PIGK: variants seen among roughly 807,000 people sequenced by gnomAD.
PIGK encodes GPI-anchor transamidase.
A neutral mutation model predicts 50.6 loss-of-function variants in PIGK; 42 were observed. The ratio of observed to expected loss-of-function variants is 0.83; its 90% confidence interval spans 0.65 to 1.07. The LOEUF is 1.07. Among genes scored for constraint, PIGK ranks in the 50% least tolerant of loss-of-function variants. The pLI is 0.00. For missense variants in PIGK, 448 were observed against 488.7 expected (o/e 0.92, Z 0.78); for synonymous variants, 151 against 156.0 (o/e 0.97, Z 0.24).
At chr1:77,208,875 G>C (rs1360935479) in intron 2 of PIGK, among the ~76,000 whole-genome samples, 2 of 152,084 alleles carry the variant, frequency 1.3e-5, no homozygotes, top group African/African-American at 4.8e-5. Context: ...TATCAAATGT[G>C]TTTGTCAAAT....
At chr1:77,183,146 C>T (rs750045826) in intron 3 of PIGK, among the ~76,000 whole-genome samples, 14 of 152,092 alleles carry the variant, frequency 9.2e-5, no homozygotes, top group South Asian at 2.1e-4. Flanking sequence ...CCTCACTAGG[C>T]GTCTATTGTT....
intron 9 of PIGK, among the ~76,000 whole-genome samples, chr1:77,152,968 A>C (rs1365212728): frequency 6.6e-6 from 1 of 152,154 alleles, no homozygotes. Context: ...TTGCTCAAAA[A>C]ATTAAAAATA....
chr1:77,190,516 T>G (rs1050713431), intron 3 of PIGK, among the ~76,000 whole-genome samples: 7 of 152,204 alleles, frequency 4.6e-5, no homozygotes, highest in Admixed American at 3.3e-4. Flanking sequence ...GTTTAATATT[T>G]ATGGCACATA....
At chr1:77,128,167 T>A (rs568516324) in intron 9 of PIGK, among the ~76,000 whole-genome samples, 28 of 152,304 alleles carry the variant, frequency 1.8e-4, no homozygotes, top group Non-Finnish European at 3.8e-4. Context: ...ACTCCCTGCA[T>A]CACTATTTTT....
intron 9 of PIGK, among the ~76,000 whole-genome samples, chr1:77,123,711 G>A (rs956569034): frequency 6.6e-6 from 1 of 152,010 alleles, no homozygotes; most frequent in Non-Finnish European, 1.5e-5. Flanking sequence ...AGATGGATGG[G>A]GGGATGATAG....
intron 6 of PIGK, 67 bp downstream of exon 6, chr1:77,163,779 A>C: frequency 1.2e-6 from 1 of 826,024 alleles, no homozygotes; most frequent in Non-Finnish European, 1.9e-6. Context: ...TAAAAATTAC[A>C]AATCTACGAA....
At chr1:77,139,635 T>A (rs1401120870) in intron 9 of PIGK, among the ~76,000 whole-genome samples, 1 of 152,190 alleles carries the variant, frequency 6.6e-6, no homozygotes, top group Non-Finnish European at 1.5e-5. Flanking sequence ...TCCTTACCAC[T>A]GAATGAGGGG....
intron 9 of PIGK, among the ~76,000 whole-genome samples, chr1:77,139,404 C>T (rs963034781): frequency 6.6e-6 from 1 of 151,958 alleles, no homozygotes; most frequent in Admixed American, 6.6e-5. Context: ...CAGCTGGAAA[C>T]ACCATGGGTT....
At chr1:77,214,069 C>A (rs1410375837) in intron 1 of PIGK, among the ~76,000 whole-genome samples, 1 of 152,132 alleles carries the variant, frequency 6.6e-6, no homozygotes, top group African/African-American at 2.4e-5. Context: ...AAGCCCAGAA[C>A]GGGATGGCTT....
chr1:77,094,986 A>C (rs1366943855), intron 10 of PIGK, among the ~76,000 whole-genome samples: 1 of 152,184 alleles, frequency 6.6e-6, no homozygotes, highest in African/African-American at 2.4e-5. Context: ...TGGAACAGTA[A>C]ACTTATTCAC....
At chr1:77,204,976 GT>G (rs942782015) in intron 3 of PIGK, among the ~76,000 whole-genome samples, 39 of 152,024 alleles carry the variant, frequency 2.6e-4, no homozygotes, top group African/African-American at 9.4e-4. Context: ...CATAAACACA[GT>G]TATAGATAAG....
chr1:77,206,688 T>C lies in PIGK; in HGVS notation c.191A>G (p.Asn64Ser), dbSNP rs1487724680. The change falls in exon 3 of 11, where the codon AAT (asparagine) becomes AGT (serine). Residue 64 changes from asparagine to serine, a missense_variant. Physicochemically the swap from Asn to Ser is conservative, Grantham distance 46. Coordinates refer to ENST00000370812, the MANE Select transcript of PIGK (RefSeq NM_005482.3). ...RFWFNYRHVA[N>S]TLSVYRSVKR... ...GACACTTCTATAAACAGAAAGGGTA[T>C]TTGCAACATGTCGATAATTAAACCA... 1 of 1,612,452 alleles carries C rather than the reference T, an allele frequency of 6.2e-7. No individual in the cohort carries two copies. The highest frequency in any genetic ancestry group is 8.5e-7 in the Non-Finnish European group (1 of 1,178,792).
At position 77,104,782 on chromosome 1, in the gene PIGK, G is replaced by A. The variant is rs11162273; in HGVS notation, c.1072-12292C>T. Among the ~76,000 whole-genome samples the A allele has an allele frequency of 2.5e-3, 380 of 152,308 alleles. 2 individuals carry two copies. Among genetic ancestry groups the A allele is most frequent in the African/African-American group, 7.8e-3 (323 of 41,580 alleles). ...AAGCGAGTGTGGGATCTGACTGGCC[G>A]TTCCAGGCACTGGCAGGAGAAAGCT... On this transcript the variant is annotated intron_variant, in intron 10 of 10. Coordinates refer to ENST00000370812, the MANE Select transcript of PIGK (RefSeq NM_005482.3).
At chr1:77,130,463 T>C (rs1215279618) in intron 9 of PIGK, among the ~76,000 whole-genome samples, 3 of 152,090 alleles carry the variant, frequency 2.0e-5, no homozygotes, top group Non-Finnish European at 4.4e-5. Context: ...AACGTAGAAT[T>C]TTTTGACTTA....
chr1:77,174,497 C>T (rs1187719652), intron 3 of PIGK, among the ~76,000 whole-genome samples: 3 of 152,096 alleles, frequency 2.0e-5, no homozygotes, highest in African/African-American at 7.2e-5. Flanking sequence ...TGGGGAGTAT[C>T]GGAAATGACT....
chr1:77,157,593 AT>A (rs1248039379), intron 8 of PIGK, among the ~76,000 whole-genome samples: 1 of 152,180 alleles, frequency 6.6e-6, no homozygotes, highest in Non-Finnish European at 1.5e-5. Flanking sequence ...GGTGACTATA[AT>A]TTTTTTACAG....
intron 9 of PIGK, among the ~76,000 whole-genome samples, chr1:77,134,594 T>C (rs1189533515): frequency 2.0e-5 from 3 of 152,208 alleles, no homozygotes; most frequent in Non-Finnish European, 2.9e-5. Flanking sequence ...ACTCCCAGAA[T>C]TGGCGAATGA....
chr1:77,193,245 A>ATGTGTGTGTGTGTGTG (rs56987496), intron 3 of PIGK, among the ~76,000 whole-genome samples: 1,679 of 144,838 alleles, frequency 0.012, 43 homozygotes, highest in African/African-American at 0.04. Context: ...TGGCATGAGA[A>ATGTGTGTGTGTGTGTG]TGTGTGTGTG....
At chr1:77,144,036 G>A (rs1226637159) in intron 9 of PIGK, among the ~76,000 whole-genome samples, 1 of 152,036 alleles carries the variant, frequency 6.6e-6, no homozygotes, top group Non-Finnish European at 1.5e-5. Flanking sequence ...TGCAGAAACT[G>A]AGGACAGAAG....
Sources: gnomAD v4.1 joint callset for allele counts (sites outside exome capture counted in the v4.1 genomes callset) on GRCh38, gnomAD v4.1.1 for gene constraint, MANE v1.5 for transcripts, NCBI Gene and HGNC (gene_info 2026-07-23, HGNC 2026-07-21) for gene names.